HACD1: variants seen among roughly 807,000 people sequenced by gnomAD.
HACD1 encodes the protein 3-hydroxyacyl-CoA dehydratase 1.
Under a neutral mutation model 32.0 loss-of-function variants are expected in HACD1, and 41 were observed. The observed-to-expected ratio is 1.28, with a 90% CI of 1.00 to 1.66. The LOEUF is 1.66. Ranked by LOEUF, HACD1 falls within the 40% of genes most tolerant of loss-of-function variation. The pLI is 0.00. For missense variants in HACD1, 396 were observed against 380.1 expected, an observed-to-expected ratio of 1.04 and a Z score of -0.35; for synonymous variants, 142 against 139.0, an observed-to-expected ratio of 1.02 and a Z score of -0.15.
chr10:17,600,385 G>C (rs1175040079), intron 4 of HACD1, among the ~76,000 whole-genome samples: 1 of 152,060 alleles, frequency 6.6e-6, no homozygotes, highest in African/African-American at 2.4e-5. Flanking sequence ...TGTCACCCGG[G>C]CTGGAGTGCA....
chr10:17,594,514 G>A (rs2272145), intron 5 of HACD1, 131 bp from the exon 6 acceptor site: 27,358 of 649,378 alleles, frequency 0.042, 657 homozygotes, highest in Middle Eastern at 0.095. Flanking sequence ...ATAACCTTAC[G>A]TAAGGTTAAT....
At chr10:17,602,849 T>C (rs537522443) in intron 4 of HACD1, 1 of 152,214 alleles carries the variant, frequency 6.6e-6, no homozygotes, top group East Asian at 1.9e-4. Flanking sequence ...TGCATTTACT[T>C]TTTATGTCTG....
At chr10:17,614,557 A>G (rs1833043584) in intron 1 of HACD1, among the ~76,000 whole-genome samples, 1 of 151,074 alleles carries the variant, frequency 6.6e-6, no homozygotes, top group Non-Finnish European at 1.5e-5. Flanking sequence ...CTACAAAAAA[A>G]TTTTCAAATT....
At chr10:17,601,056 C>G (rs1180485868) in intron 4 of HACD1, among the ~76,000 whole-genome samples, 13 of 149,318 alleles carry the variant, frequency 8.7e-5, no homozygotes, top group Non-Finnish European at 1.5e-4. Flanking sequence ...TTTTTTGAGA[C>G]AGAATCTCGC....
At chr10:17,605,666 A>T (rs1011555775) in intron 1 of HACD1, among the ~76,000 whole-genome samples, 2 of 151,902 alleles carry the variant, frequency 1.3e-5, no homozygotes, top group Non-Finnish European at 2.9e-5. Flanking sequence ...AAAAAACAAA[A>T]GAAGAGGCCA....
Position 17,603,708 on chromosome 10 carries a change from ATT to A in HACD1, c.394+16_394+17del, listed in dbSNP as rs782313587. 2.5e-6 allele frequency: 4 copies of A among 1,604,458 alleles called. No homozygotes were observed. The highest frequency in any genetic ancestry group is 2.7e-5 in the African/African-American group (2 of 74,708). On this transcript the variant is annotated intron_variant, in intron 3 of 6. Coordinates refer to ENST00000361271, the MANE Select transcript of HACD1 (RefSeq NM_014241.4). The stretch of plus-strand genomic sequence containing the variant: ...AGGCAATTTATAATAAAAGTATAAA[ATT>A]GAAGCAAAAACTCACCAATTAAACA...
chr10:17,596,243 A>G (rs1833993841), intron 5 of HACD1, among the ~76,000 whole-genome samples: 2 of 152,230 alleles, frequency 1.3e-5, no homozygotes, highest in Non-Finnish European at 2.9e-5. Flanking sequence ...ATTTGCCAAA[A>G]TAGATGAGCT....
In HACD1 at chr10:17,617,303, C is replaced by T. The variant is rs1356228912; in HGVS notation, c.37G>A (p.Gly13Ser). 4 of 1,444,472 alleles carry T rather than the reference C, an allele frequency of 2.8e-6. No homozygotes were observed. The South Asian group carries it at 4.1e-5, about 15-fold the overall frequency. The allele number at this position is 1,444,472 out of a possible 1,614,324, so 89.5% of individuals were successfully genotyped here. A position where few individuals can be genotyped will look rare whatever the true frequency, so the allele number is the denominator to read the frequency against. The change falls in exon 1 of 7, where the codon GGC becomes AGC. Residue 13 changes from glycine to serine, a missense_variant. Physicochemically the swap from Gly to Ser is moderately conservative, Grantham distance 56. Transcript: ENST00000361271. The part of the protein sequence containing the change: ...RLTEAAAAGS[G>S]SRAAGWAGSP... ...CCTGCCCAGCCTGCAGCCCGAGAGC[C>T]GCTGCCCGCTGCCGCCGCTTCCGTC... is the stretch of plus-strand genomic sequence containing the variant.
rs782091596 is a variant in HACD1, at chr10:17,603,778, T to A, written c.376-34A>T. The A allele has an allele frequency of 7.6e-6, 12 of 1,577,962 alleles. No individual in the cohort carries two copies. In the Middle Eastern group the frequency reaches 1.2e-3, roughly 154 times the overall value. On this transcript the variant is annotated intron_variant, in intron 2 of 6. Transcript: ENST00000361271. ...AAATAGAAAAAAATCATTACGTCAA[T>A]AATAGAAAACATTAAATAAACCACT...
rs369191991 is a variant in HACD1, at chr10:17,603,681, A to G, written c.395-33T>C. On this transcript the variant is annotated intron_variant, in intron 3 of 6. Coordinates refer to ENST00000361271, the MANE Select transcript of HACD1 (RefSeq NM_014241.4). ...AGAAAAACAAGTGAACTATTGCCCT[A>G]AAGGCAATTTATAATAAAAGTATAA... The G allele has an allele frequency of 4.8e-5, 77 of 1,603,464 alleles. No individual in the cohort carries two copies. The Middle Eastern group carries it at 1.7e-3, about 34-fold the overall frequency.
intron 1 of HACD1, among the ~76,000 whole-genome samples, chr10:17,610,836 G>A (rs1322084474): frequency 1.3e-5 from 2 of 152,014 alleles, no homozygotes; most frequent in Admixed American, 6.6e-5. Flanking sequence ...GCTTATCTGA[G>A]GTTACCCAGC....
chr10:17,608,767 G>A (rs1179566434), intron 1 of HACD1, among the ~76,000 whole-genome samples: 2 of 152,158 alleles, frequency 1.3e-5, no homozygotes, highest in African/African-American at 2.4e-5. Flanking sequence ...GGTTACAGAC[G>A]TGAGCCGCCA....
intron 4 of HACD1, among the ~76,000 whole-genome samples, chr10:17,599,809 C>T (rs143866639): frequency 6.6e-6 from 1 of 152,170 alleles, no homozygotes; most frequent in South Asian, 2.1e-4. Flanking sequence ...TATTTTAATT[C>T]AGGGGTTTAT....
chr10:17,594,183 G>T, intron 6 of HACD1, 22 bp downstream of exon 6: 1 of 1,360,194 alleles, frequency 7.4e-7, no homozygotes, highest in South Asian at 2.2e-5. Context: ...TCAAATCAAA[G>T]TACTAATAAG....
chr10:17,590,766 G>T (rs1023381451), intron 6 of HACD1, among the ~76,000 whole-genome samples: 7 of 152,120 alleles, frequency 4.6e-5, no homozygotes, highest in Admixed American at 2.0e-4. Flanking sequence ...CTGCCTCCCA[G>T]GTTCAAGCAG....
chr10:17,606,177 A>T (rs1242598836), intron 1 of HACD1, among the ~76,000 whole-genome samples: 2 of 152,162 alleles, frequency 1.3e-5, no homozygotes, highest in East Asian at 1.9e-4. Flanking sequence ...CTCAAAAAAA[A>T]CAAGAGAGAG....
chr10:17,590,502 C>T, intron 6 of HACD1, 56 bp from the exon 7 acceptor site: 1 of 1,310,810 alleles, frequency 7.6e-7, no homozygotes, highest in Admixed American at 1.9e-5. Flanking sequence ...ATTATTTATA[C>T]TTGAAACCTG....
chr10:17,610,255 G>A (rs1397255183), intron 1 of HACD1, among the ~76,000 whole-genome samples: 2 of 152,158 alleles, frequency 1.3e-5, no homozygotes, highest in Non-Finnish European at 2.9e-5. Flanking sequence ...AAAAGATATG[G>A]CTCTTACTTA....
At chr10:17,598,026 G>A (rs1205763632) in intron 5 of HACD1, among the ~76,000 whole-genome samples, 2 of 151,624 alleles carry the variant, frequency 1.3e-5, no homozygotes, top group African/African-American at 2.4e-5. Context: ...TAGGGAGGCC[G>A]AGGTGGGTGG....
Sources: gnomAD v4.1 joint callset for allele counts (sites outside exome capture counted in the v4.1 genomes callset) on GRCh38, gnomAD v4.1.1 for gene constraint, MANE v1.5 for transcripts, NCBI Gene and HGNC (gene_info 2026-07-23, HGNC 2026-07-21) for gene names.